The following S100PBP variants were observed in gnomAD, a reference collection of about 807,000 sequenced individuals.
S100PBP encodes the protein S100P binding protein, also known as S100P-binding protein.
A neutral mutation model predicts 39.9 loss-of-function variants in S100PBP; 15 were observed. The ratio of observed to expected loss-of-function variants is 0.38; its 90% CI spans 0.25 to 0.58. S100PBP has a LOEUF of 0.58. S100PBP is among the 20% of genes least tolerant of loss of function. The pLI, the probability that S100PBP is intolerant of heterozygous loss-of-function variation, is 0.70. For missense variants in S100PBP, 504 were observed against 487.3 expected, an observed-to-expected ratio of 1.03 and a Z score of -0.32; for synonymous variants, 178 against 180.3, an observed-to-expected ratio of 0.99 and a Z score of 0.10.
In S100PBP at chr1:32,856,190, C is replaced by T; in HGVS notation, c.*152C>T. The T allele has an allele frequency of 2.0e-6, 1 of 489,452 alleles. No homozygotes were observed. The highest frequency in any genetic ancestry group is 3.7e-6 in the Non-Finnish European group (1 of 273,098). 30.3% of individuals were successfully genotyped at this position (489,452 alleles called of 1,614,324 possible). On this transcript the variant is annotated 3_prime_UTR_variant, in exon 7 of 7. Transcript: ENST00000373475. ...AAAACTCGTCACCTTTTGGAAATGC[C>T]CATTGCCGACTTGAATTTTTTTGTA...
At chr1:32,816,860 G>C (rs1638754421), upstream of S100PBP, 2 of 514,418 alleles carry the variant, frequency 3.9e-6, no homozygotes, top group Non-Finnish European at 7.0e-6. Flanking sequence ...CTTCAGACAA[G>C]CTCTGGCAGG....
intron 5 of S100PBP, among the ~76,000 whole-genome samples, chr1:32,849,780 C>T (rs1022753214): frequency 6.6e-5 from 10 of 152,160 alleles, no homozygotes; most frequent in African/African-American, 2.4e-4. Context: ...GAAAGTCAAT[C>T]CTATGATAGT....
rs374280398 is a variant in S100PBP at position 32,853,086 on chromosome 1, G to A, written c.1032G>A (p.Ser344=). ...EDPEDTNQGI[S]GELCALMDQV... is the part of the protein sequence containing the mutation. ...GATCCCTCTGTATCACAGGTATCTC[G>A]GGGGAGCTTTGTGCCTTGATGGATC... The change falls in exon 6 of 7, where the codon TCG becomes TCA. Residue 344 remains serine (S), a synonymous_variant. Coordinates refer to ENST00000373475, the MANE Select transcript of S100PBP (RefSeq NM_022753.4). 188 of 1,612,108 alleles carry A rather than the reference G, an allele frequency of 1.2e-4. 1 individual carries two copies. The highest frequency in any genetic ancestry group is 1.4e-4 in the Non-Finnish European group (170 of 1,178,902).
rs1198613927 is a variant in S100PBP, at chr1:32,825,402, G to A, written c.-30G>A. ...TTTTCCATTTGGTCTCGTGGCAAAG[G>A]CAGAGATTGCTCCAGCAGCTCCACA... On this transcript the variant is annotated 5_prime_UTR_variant, in exon 2 of 7. Transcript: ENST00000373475. 5 of 152,174 alleles carry A rather than the reference G, an allele frequency of 3.3e-5. No homozygotes were observed. In the East Asian group the frequency reaches 9.6e-4, roughly 29 times the overall value. The allele number at this position is 152,174 out of a possible 1,614,324, so 9.4% of individuals were successfully genotyped here. A position where few individuals can be genotyped will look rare whatever the true frequency, so the allele number is the denominator to read the frequency against.
intron 5 of S100PBP, among the ~76,000 whole-genome samples, chr1:32,845,397 C>T (rs901759798): frequency 6.6e-6 from 1 of 151,714 alleles, no homozygotes; most frequent in Non-Finnish European, 1.5e-5. Context: ...TGTCGTGTCA[C>T]GGCACTCCAG....
chr1:32,834,746 G>T (rs1463731467), intron 5 of S100PBP: 3 of 152,146 alleles, frequency 2.0e-5, no homozygotes, highest in African/African-American at 7.2e-5. Flanking sequence ...GGTACCATGT[G>T]AATATCCTGT....
Position 32,855,934 on chromosome 1 carries a change from C to T in S100PBP, c.1123C>T (p.Arg375Cys), listed in dbSNP as rs1262538228. 1.1e-5 allele frequency: 18 copies of T among 1,612,246 alleles called. No individual in the cohort carries two copies. Among genetic ancestry groups the T allele is most frequent in the Admixed American group, 3.3e-5 (2 of 59,928 alleles). Residue 375 changes from arginine (R) to cysteine (C), a missense_variant, in exon 7 of 7, where the codon CGC becomes TGC. Coordinates refer to ENST00000373475, the MANE Select transcript of S100PBP (RefSeq NM_022753.4). ...PSDLTTRNYA[R>C]RQKHLQRYSL... ...TCCCTCTCTCGATAGAAACTACGCC[C>T]GCCGACAGAAACATCTGCAAAGATA...
chr1:32,827,691 G>T (rs534303298), intron 3 of S100PBP, among the ~76,000 whole-genome samples: 59 of 151,916 alleles, frequency 3.9e-4, no homozygotes, highest in African/African-American at 1.4e-3. Flanking sequence ...ATGTTGGCCA[G>T]GATGGTCTCG....
At chr1:32,823,787 A>G (rs4951788) in intron 1 of S100PBP, among the ~76,000 whole-genome samples, 85,790 of 152,160 alleles carry the variant, frequency 0.56, 24,493 homozygotes, top group East Asian at 0.74. Flanking sequence ...AAGATTATAC[A>G]TTACGTATTA....
intron 5 of S100PBP, among the ~76,000 whole-genome samples, chr1:32,844,741 C>T (rs951771374): frequency 2.0e-5 from 3 of 151,288 alleles, no homozygotes; most frequent in Admixed American, 6.6e-5. Flanking sequence ...ATTTCTATTC[C>T]GAGATAGAGA....
chr1:32,830,082 A>G lies in S100PBP; in HGVS notation c.1024+15A>G, dbSNP rs1450290362. ...CACTAACCAAGGTAACATGGTACCC[A>G]GAGAAAGGCATATAAAACATGTGAT... On this transcript the variant is annotated intron_variant, in intron 5 of 6. Transcript: ENST00000373475. 1 of 1,462,370 alleles carries G rather than the reference A, an allele frequency of 6.8e-7. No homozygotes were observed. Among genetic ancestry groups the G allele is most frequent in the Admixed American group, 1.7e-5 (1 of 59,238 alleles). 90.6% of individuals were successfully genotyped at this position (1,462,370 alleles called of 1,614,324 possible).
In S100PBP at chr1:32,851,331, C is replaced by T. The variant is rs141428774; in HGVS notation, c.1025-1748C>T. 3.4e-3 allele frequency among the ~76,000 whole-genome samples: 516 copies of T among 152,182 alleles called. 3 individuals are homozygous for T. Among genetic ancestry groups the T allele is most frequent in the African/African-American group, 0.012 (498 of 41,516 alleles). On this transcript the variant is annotated intron_variant, in intron 5 of 6. Coordinates refer to ENST00000373475, the MANE Select transcript of S100PBP (RefSeq NM_022753.4). ...GATAAGGTAATGAAAAACATGTAAA[C>T]GAGCTGAAAAGTCTCCACTGTCTAG...
chr1:32,826,202 G>C lies in S100PBP; in HGVS notation c.103G>C (p.Asp35His). The C allele has an allele frequency of 6.2e-7, 1 of 1,614,156 alleles. No individual in the cohort carries two copies. Among genetic ancestry groups the C allele is most frequent in the Non-Finnish European group, 8.5e-7 (1 of 1,180,000 alleles). ...GGATTCCTTGGATGAGGATGGATTG[G>C]ATGACTCCTTGCTGGAGCTGTCAGA... ...SWDSLDEDGL[D>H]DSLLELSEGE... is the part of the protein sequence containing the mutation. Residue 35 changes from aspartate to histidine, a missense_variant, in exon 3 of 7, where the codon GAT becomes CAT. By Grantham distance (81) the Asp-to-His change is moderately conservative. Transcript: ENST00000373475.
intron 5 of S100PBP, among the ~76,000 whole-genome samples, chr1:32,844,821 A>T: frequency 6.6e-6 from 1 of 151,354 alleles, no homozygotes; most frequent in Non-Finnish European, 1.5e-5. Flanking sequence ...ATATCTCTAT[A>T]TATCTATATA....
chr1:32,826,951 G>A, intron 3 of S100PBP, 21 bp downstream of exon 3: 1 of 1,473,756 alleles, frequency 6.8e-7, no homozygotes, highest in South Asian at 1.3e-5. Flanking sequence ...TTTATTCAAG[G>A]TGAAGAGAAA....
chr1:32,840,665 A>G (rs775532840), intron 5 of S100PBP, among the ~76,000 whole-genome samples: 21 of 151,598 alleles, frequency 1.4e-4, no homozygotes, highest in Non-Finnish European at 2.1e-4. Flanking sequence ...CCTATTTTCT[A>G]TTTTTCAATG....
intron 6 of S100PBP, among the ~76,000 whole-genome samples, chr1:32,853,835 A>G (rs991549982): frequency 2.6e-5 from 4 of 151,740 alleles, no homozygotes; most frequent in African/African-American, 9.7e-5. Flanking sequence ...TGAGGCTGTG[A>G]TGAGCAATGA....
chr1:32,827,640 C>A (rs1639390612), intron 3 of S100PBP, among the ~76,000 whole-genome samples: 1 of 152,094 alleles, frequency 6.6e-6, no homozygotes, highest in African/African-American at 2.4e-5. Context: ...CACCACCATG[C>A]CCAGCTAATT....
In S100PBP at chr1:32,831,228, C is replaced by A. The variant is rs560716182; in HGVS notation, c.1024+1161C>A. Among the ~76,000 whole-genome samples, 5 of 152,042 alleles carry A rather than the reference C, an allele frequency of 3.3e-5. No homozygotes were observed. The South Asian group carries it at 1.0e-3, about 32-fold the overall frequency. Reference sequence around the variant, plus strand: ...ATAGGGTCTTGGCCCTCTGGGAATTCATAGCCTAGAGAAGAAGATAATTAT... The same window carrying A: ...ATAGGGTCTTGGCCCTCTGGGAATTAATAGCCTAGAGAAGAAGATAATTAT... On this transcript the variant is annotated intron_variant, in intron 5 of 6. Coordinates refer to ENST00000373475, the MANE Select transcript of S100PBP (RefSeq NM_022753.4).
Sources: gnomAD v4.1 joint callset for allele counts (sites outside exome capture counted in the v4.1 genomes callset) on GRCh38, gnomAD v4.1.1 for gene constraint, MANE v1.5 for transcripts, NCBI Gene and HGNC (gene_info 2026-07-23, HGNC 2026-07-21) for gene names.